Variants in CSMD1 observed in about 807,000 individuals in gnomAD.
CSMD1 encodes CUB and Sushi multiple domains 1, also known as CUB and sushi domain-containing protein 1.
A neutral mutation model predicts 417.5 loss-of-function variants in CSMD1; 213 were observed. The observed-to-expected ratio is 0.51, with a 90% CI of 0.46 to 0.57. The LOEUF is 0.57. Ranked by LOEUF, CSMD1 falls within the 20% of genes least tolerant of loss-of-function variation. The pLI, the probability that CSMD1 is intolerant of heterozygous loss-of-function variation, is 0.00. For missense variants in CSMD1, 6,923 were observed against 4,529.7 expected (o/e 1.53, Z -15.17); for synonymous variants, 2,862 against 1,736.8 (o/e 1.65, Z -16.11).
At chr8:4,761,857 ATC>A (rs1812096211) in intron 1 of CSMD1, among the ~76,000 whole-genome samples, 6 of 76,880 alleles carry the variant, frequency 7.8e-5, no homozygotes, top group African/African-American at 2.7e-4. Flanking sequence ...CTATCTATCT[ATC>A]TATCTATCTA....
intron 3 of CSMD1, among the ~76,000 whole-genome samples, chr8:4,408,480 T>C (rs932832190): frequency 6.6e-6 from 1 of 152,242 alleles, no homozygotes; most frequent in Non-Finnish European, 1.5e-5. Flanking sequence ...CTGTTTTTAA[T>C]AGCTTAATTT....
At chr8:3,927,468 C>A (rs1563219956) in intron 5 of CSMD1, among the ~76,000 whole-genome samples, 1 of 151,854 alleles carries the variant, frequency 6.6e-6, no homozygotes, top group East Asian at 1.9e-4. Context: ...AGTTTGGGAC[C>A]ACCCTGGCCA....
At chr8:3,778,191 C>G (rs78254525) in intron 5 of CSMD1, among the ~76,000 whole-genome samples, 1 of 152,176 alleles carries the variant, frequency 6.6e-6, no homozygotes, top group Non-Finnish European at 1.5e-5. Flanking sequence ...GGGGCAGGGA[C>G]GGGATCCTGG....
rs1040787342 is a variant in CSMD1, at chr8:3,460,622, G to A, written c.1561+8090C>T. Among the ~76,000 whole-genome samples, 12 of 152,258 alleles carry A rather than the reference G, an allele frequency of 7.9e-5. 1 individual carries two copies. In the East Asian group the frequency reaches 1.9e-3, roughly 25 times the overall value. ...GGTAAGAGAATGAAGATAAACAGGA[G>A]GGATGGGATAGAAGGATATTTACTA... On this transcript the variant is annotated intron_variant, in intron 12 of 69. Transcript: ENST00000635120.
At chr8:3,200,744 C>T (rs555534795) in intron 32 of CSMD1, among the ~76,000 whole-genome samples, 37 of 152,044 alleles carry the variant, frequency 2.4e-4, no homozygotes, top group African/African-American at 8.4e-4. Context: ...TTCTTAGATA[C>T]ATCATTGAAC....
At position 3,260,832 on chromosome 8, in the gene CSMD1, AAAGACCCTGTG is replaced by A. The variant is rs369783332; in HGVS notation, c.4153+23301_4153+23311del. Among the ~76,000 whole-genome samples, 1,109 of 152,338 alleles carry A rather than the reference AAAGACCCTGTG, an allele frequency of 7.3e-3. 13 individuals carry two copies. The highest frequency in any genetic ancestry group is 0.025 in the African/African-American group (1,040 of 41,578). On this transcript the variant is annotated intron_variant, in intron 26 of 69. Coordinates refer to ENST00000635120, the MANE Select transcript of CSMD1 (RefSeq NM_033225.6). ...AAAACAGAAAAGCTTTTGCTCTAAAAAAGACCCTGTGAAGAGGATGGAAAGACAAGCTACAG... is the reference window on the plus strand; with the variant it reads ...AAAACAGAAAAGCTTTTGCTCTAAAAAAGAGGATGGAAAGACAAGCTACAG...
At chr8:4,328,242 A>ATTTTTTTTTTT (rs3067534) in intron 3 of CSMD1, among the ~76,000 whole-genome samples, 1 of 124,702 alleles carries the variant, frequency 8.0e-6, no homozygotes, top group Non-Finnish European at 1.7e-5. Flanking sequence ...ACTCAATACA[A>ATTTTTTTTTTT]TTTTTTTTTT....
intron 3 of CSMD1, among the ~76,000 whole-genome samples, chr8:4,209,676 C>G (rs1310600402): frequency 1.3e-5 from 2 of 152,168 alleles, no homozygotes; most frequent in African/African-American, 4.8e-5. Flanking sequence ...GGAAGGAAAT[C>G]AAGGGCAAGC....
intron 3 of CSMD1, among the ~76,000 whole-genome samples, chr8:4,318,423 G>C (rs572981156): frequency 1.3e-5 from 2 of 152,034 alleles, no homozygotes; most frequent in African/African-American, 2.4e-5. Flanking sequence ...GTGTGAGAAA[G>C]AGTAATATTG....
chr8:4,493,802 G>A (rs953122740), intron 2 of CSMD1, among the ~76,000 whole-genome samples: 5 of 152,290 alleles, frequency 3.3e-5, no homozygotes, highest in African/African-American at 1.2e-4. Flanking sequence ...CTAAGCTGAG[G>A]AGGAGCCACT....
At chr8:4,234,311 T>G (rs1801918238) in intron 3 of CSMD1, among the ~76,000 whole-genome samples, 2 of 152,174 alleles carry the variant, frequency 1.3e-5, no homozygotes, top group South Asian at 4.1e-4. Context: ...AGCTGGCGAT[T>G]GCAGACACAA....
intron 1 of CSMD1, among the ~76,000 whole-genome samples, chr8:4,992,001 G>T (rs1411019791): frequency 1.3e-5 from 2 of 152,136 alleles, no homozygotes; most frequent in Non-Finnish European, 1.5e-5. Flanking sequence ...ACACACTTGC[G>T]CACAGCACCT....
At chr8:3,392,966 C>A (rs1020518279) in intron 17 of CSMD1, among the ~76,000 whole-genome samples, 3 of 152,030 alleles carry the variant, frequency 2.0e-5, no homozygotes, top group Non-Finnish European at 2.9e-5. Flanking sequence ...CTCATAAAAT[C>A]CCAGGCCTTT....
At chr8:3,438,434 C>T (rs1261987083) in intron 12 of CSMD1, among the ~76,000 whole-genome samples, 1 of 152,168 alleles carries the variant, frequency 6.6e-6, no homozygotes, top group Admixed American at 6.5e-5. Flanking sequence ...CCCATCAACA[C>T]CTCCCTCCTT....
intron 3 of CSMD1, among the ~76,000 whole-genome samples, chr8:4,096,229 T>C (rs1423274885): frequency 6.6e-6 from 1 of 152,074 alleles, no homozygotes; most frequent in Admixed American, 6.5e-5. Context: ...ATAATAATAA[T>C]AAAAAGCAAC....
chr8:4,353,133 G>C (rs1423600486), intron 3 of CSMD1, among the ~76,000 whole-genome samples: 2 of 152,024 alleles, frequency 1.3e-5, no homozygotes, highest in African/African-American at 2.4e-5. Context: ...CTCTGATATG[G>C]TTTGGCTGTG....
chr8:4,089,144 A>T (rs898977882), intron 3 of CSMD1, among the ~76,000 whole-genome samples: 1 of 152,136 alleles, frequency 6.6e-6, no homozygotes. Context: ...TTAACAAAAC[A>T]TTGCTTGGCA....
At chr8:4,632,148 G>A (rs999980236) in intron 2 of CSMD1, among the ~76,000 whole-genome samples, 3 of 152,204 alleles carry the variant, frequency 2.0e-5, no homozygotes, top group African/African-American at 4.8e-5. Context: ...GTTACATTAA[G>A]TCACGTTGGG....
intron 1 of CSMD1, among the ~76,000 whole-genome samples, chr8:4,650,997 G>A (rs1383744509): frequency 6.6e-6 from 1 of 152,102 alleles, no homozygotes; most frequent in South Asian, 2.1e-4. Flanking sequence ...AAGAAATATG[G>A]ACTTAGAGAC....
Sources: allele counts gnomAD v4.1 joint callset (sites outside exome capture counted in the v4.1 genomes callset), GRCh38; gene constraint gnomAD v4.1.1; transcripts MANE v1.5; gene names NCBI Gene and HGNC (gene_info 2026-07-23, HGNC 2026-07-21).